The following GUCY1A2 variants were observed in gnomAD, a reference collection of about 807,000 sequenced individuals.
GUCY1A2 encodes the protein guanylate cyclase soluble subunit alpha-2.
In GUCY1A2, 27 loss-of-function variants were observed where a neutral mutation model predicts 63.5. The observed-to-expected ratio is 0.43, with a 90% CI of 0.31 to 0.59. The LOEUF (loss-of-function observed/expected upper bound fraction) is 0.59. GUCY1A2 is among the 20% of genes least tolerant of loss of function. The probability of loss-of-function intolerance (pLI) is 0.11; values close to 1 mark genes in which losing one functional copy is unlikely to be tolerated. For synonymous variants in GUCY1A2, 364 were observed against 343.5 expected (o/e 1.06, Z -0.66); for missense variants, 768 against 913.3 (o/e 0.84, Z 2.05).
chr11:106,983,499 G>C (rs367807592), intron 2 of GUCY1A2, among the ~76,000 whole-genome samples: 3 of 152,176 alleles, frequency 2.0e-5, no homozygotes, highest in Non-Finnish European at 2.9e-5. Context: ...AAAAGCCTCA[G>C]AGAGTTTCTA....
chr11:106,891,322 A>G (rs1859971042), intron 4 of GUCY1A2, among the ~76,000 whole-genome samples: 1 of 152,044 alleles, frequency 6.6e-6, no homozygotes, highest in African/African-American at 2.4e-5. Flanking sequence ...GATTTATAGT[A>G]ATTCTTTATG....
At chr11:106,927,446 T>C (rs1442986590) in intron 4 of GUCY1A2, among the ~76,000 whole-genome samples, 1 of 152,108 alleles carries the variant, frequency 6.6e-6, no homozygotes, top group African/African-American at 2.4e-5. Flanking sequence ...TTTATTTCTA[T>C]AAACTGGGGG....
rs1862376245 is a variant in GUCY1A2, at chr11:106,678,141, A to G, written c.*9408T>C. The G allele has an allele frequency of 5.1e-6, 1 of 196,846 alleles. No individual in the cohort carries two copies. The highest frequency in any genetic ancestry group is 1.1e-5 in the Non-Finnish European group (1 of 94,874). 12.2% of individuals were successfully genotyped at this position (196,846 alleles called of 1,614,324 possible). A position where few individuals can be genotyped will look rare whatever the true frequency, so the allele number is the denominator to read the frequency against. ...AGAATTTTTCTAAAAGTCCCCCTGA[A>G]TTACTTTAGATAATTATACAGTCCT... On this transcript the variant is annotated 3_prime_UTR_variant, in exon 8 of 8. Coordinates refer to ENST00000526355, the MANE Select transcript of GUCY1A2 (RefSeq NM_000855.3).
At chr11:106,740,666 G>GTATGTATGTATA (rs1288888308) in intron 6 of GUCY1A2, among the ~76,000 whole-genome samples, 1 of 92,942 alleles carries the variant, frequency 1.1e-5, no homozygotes, top group Non-Finnish European at 2.9e-5. Context: ...ATGTATGTAT[G>GTATGTATGTATA]TATGTATGTA....
intron 6 of GUCY1A2, among the ~76,000 whole-genome samples, chr11:106,750,426 G>A (rs573863049): frequency 6.6e-6 from 1 of 152,102 alleles, no homozygotes; most frequent in Admixed American, 6.6e-5. Flanking sequence ...TGCTTCACCA[G>A]CCATCTAGGC....
At chr11:106,691,600 CT>C (rs1862626811) in intron 7 of GUCY1A2, among the ~76,000 whole-genome samples, 1 of 152,194 alleles carries the variant, frequency 6.6e-6, no homozygotes, top group South Asian at 2.1e-4. Flanking sequence ...ATGGTACCAG[CT>C]GCTTCAGATG....
chr11:106,915,925 A>G (rs1019219848), intron 4 of GUCY1A2, among the ~76,000 whole-genome samples: 2 of 144,254 alleles, frequency 1.4e-5, no homozygotes, highest in African/African-American at 4.9e-5. Context: ...TTCTATATAC[A>G]CAACATTTTT....
At chr11:106,834,678 G>A (rs573455218) in intron 4 of GUCY1A2, among the ~76,000 whole-genome samples, 41 of 152,118 alleles carry the variant, frequency 2.7e-4, no homozygotes, top group African/African-American at 9.4e-4. Context: ...GCTTAAAATA[G>A]GTGAGGAAAA....
chr11:106,783,195 A>G (rs188348452), intron 5 of GUCY1A2, among the ~76,000 whole-genome samples: 1 of 152,350 alleles, frequency 6.6e-6, no homozygotes, highest in Admixed American at 6.5e-5. Context: ...AGCCATGTAG[A>G]TGAAAGAATG....
intron 5 of GUCY1A2, among the ~76,000 whole-genome samples, chr11:106,796,836 G>C (rs921529673): frequency 6.6e-6 from 1 of 152,114 alleles, no homozygotes; most frequent in Non-Finnish European, 1.5e-5. Flanking sequence ...TGCTAGGTTG[G>C]GGAAGTTCTC....
Position 106,709,103 on chromosome 11 carries a change from A to G in GUCY1A2, c.1837-437T>C, listed in dbSNP as rs183319899. ...ATTTATATTTCTGTTTATTTTGTTT[A>G]AATGTTGGATTTTCCCATCAGAGAA... On this transcript the variant is annotated intron_variant, in intron 6 of 7. Coordinates refer to ENST00000526355, the MANE Select transcript of GUCY1A2 (RefSeq NM_000855.3). Among the ~76,000 whole-genome samples the G allele has an allele frequency of 6.2e-3, 839 of 135,188 alleles. 14 individuals carry two copies. The highest frequency in any genetic ancestry group is 0.021 in the African/African-American group (802 of 37,998). 88.7% of individuals were successfully genotyped at this position (135,188 alleles called of 152,430 possible). A position where few individuals can be genotyped will look rare whatever the true frequency, so the allele number is the denominator to read the frequency against.
In GUCY1A2 at chr11:106,684,995, C is replaced by T. The variant is rs1372759295; in HGVS notation, c.*2554G>A. 1 of 204,762 alleles carries T rather than the reference C, an allele frequency of 4.9e-6. No homozygotes were observed. The highest frequency in any genetic ancestry group is 2.3e-5 in the African/African-American group (1 of 43,850). 12.7% of individuals were successfully genotyped at this position (204,762 alleles called of 1,614,324 possible). ...CTTCTGTGATTGAAGTTTGAATGAA[C>T]AGACATTTTATATAGTACCTCATAA... is the stretch of plus-strand genomic sequence containing the variant. On this transcript the variant is annotated 3_prime_UTR_variant, in exon 8 of 8. Transcript: ENST00000526355.
chr11:106,781,394 A>C (rs1415726975), intron 5 of GUCY1A2, among the ~76,000 whole-genome samples: 3 of 152,218 alleles, frequency 2.0e-5, no homozygotes, highest in African/African-American at 4.8e-5. Context: ...CTTAAGTACT[A>C]AAAATACATA....
In GUCY1A2 at chr11:106,679,634, C is replaced by T. The variant is rs1221011807; in HGVS notation, c.*7915G>A. On this transcript the variant is annotated 3_prime_UTR_variant, in exon 8 of 8. Transcript: ENST00000526355. ...TTCTTCTCACTGAATGCTAGCTCAG[C>T]CAGGCATGTTATAAAAGGAAAAAAT... 4.7e-6 allele frequency: 1 copy of T among 212,510 alleles called. No individual in the cohort carries two copies. Among genetic ancestry groups the T allele is most frequent in the East Asian group, 7.0e-5 (1 of 14,274 alleles). The allele number at this position is 212,510 out of a possible 1,614,324, so 13.2% of individuals were successfully genotyped here.
chr11:106,899,900 T>C (rs1212625828), intron 4 of GUCY1A2, among the ~76,000 whole-genome samples: 2 of 151,808 alleles, frequency 1.3e-5, no homozygotes, highest in African/African-American at 2.4e-5. Context: ...CTGGCTAACA[T>C]GGTGAAATCC....
intron 4 of GUCY1A2, among the ~76,000 whole-genome samples, chr11:106,884,435 C>T (rs143136925): frequency 6.1e-4 from 93 of 152,076 alleles, no homozygotes; most frequent in African/African-American, 1.2e-3. Context: ...GAAAATAGCA[C>T]GTACAATGTC....
intron 1 of GUCY1A2, among the ~76,000 whole-genome samples, chr11:106,989,110 C>A (rs1395464390): frequency 6.6e-6 from 1 of 152,224 alleles, no homozygotes; most frequent in Non-Finnish European, 1.5e-5. Context: ...CTATCCTCTT[C>A]TTTAAGAATG....
In GUCY1A2 at chr11:106,714,136, G is replaced by A. The variant is rs533706699; in HGVS notation, c.1837-5470C>T. ...GGCTTTCTTTTCAGCCTAATTTTTA[G>A]AATTATAATTTATTATAACCCGAAA... On this transcript the variant is annotated intron_variant, in intron 6 of 7. Transcript: ENST00000526355. Among the ~76,000 whole-genome samples, 58 of 150,366 alleles carry A rather than the reference G, an allele frequency of 3.9e-4. 1 individual carries two copies. Among genetic ancestry groups the A allele is most frequent in the Admixed American group, 3.9e-3 (58 of 15,060 alleles).
At chr11:106,808,908 A>G (rs975192645) in intron 5 of GUCY1A2, among the ~76,000 whole-genome samples, 1 of 152,200 alleles carries the variant, frequency 6.6e-6, no homozygotes, top group Non-Finnish European at 1.5e-5. Flanking sequence ...AAGATAATTT[A>G]TAAGAACTTA....
Sources: allele counts gnomAD v4.1 joint callset (sites outside exome capture counted in the v4.1 genomes callset), GRCh38; gene constraint gnomAD v4.1.1; transcripts MANE v1.5; gene names NCBI Gene and HGNC (gene_info 2026-07-23, HGNC 2026-07-21).